Variants in KLHL1 observed in about 807,000 individuals in gnomAD.
KLHL1 encodes kelch like family member 1, also known as kelch-like protein 1.
In KLHL1, 47 loss-of-function variants were observed where a neutral mutation model predicts 77.7. The ratio of observed to expected loss-of-function variants is 0.60; its 90% confidence interval spans 0.48 to 0.77. The LOEUF (loss-of-function observed/expected upper bound fraction) is 0.77. KLHL1 is among the 30% of genes least tolerant of loss of function. The pLI, the probability that KLHL1 is intolerant of heterozygous loss-of-function variation, is 0.00. For missense variants in KLHL1, 925 were observed against 910.8 expected, an observed-to-expected ratio of 1.02 and a Z score of -0.20; for synonymous variants, 360 against 325.2, an observed-to-expected ratio of 1.11 and a Z score of -1.15.
In KLHL1 at chr13:69,819,554, C is replaced by T. The variant is rs114782718; in HGVS notation, c.1414+19422G>A. 3.2e-3 allele frequency among the ~76,000 whole-genome samples: 490 copies of T among 151,952 alleles called. 3 individuals are homozygous for T. The highest frequency in any genetic ancestry group is 0.011 in the African/African-American group (455 of 41,418). Reference sequence around the variant, plus strand: ...TTAGTGCTATCTGAACAGACACCTGCCTGTTAATCAAAATCAGTAATTGAC... The same window carrying T: ...TTAGTGCTATCTGAACAGACACCTGTCTGTTAATCAAAATCAGTAATTGAC... On this transcript the variant is annotated intron_variant, in intron 6 of 10. Coordinates refer to ENST00000377844, the MANE Select transcript of KLHL1 (RefSeq NM_020866.3).
chr13:69,950,143 G>T (rs1452318633), intron 3 of KLHL1, among the ~76,000 whole-genome samples: 1 of 151,624 alleles, frequency 6.6e-6, no homozygotes, highest in Non-Finnish European at 1.5e-5. Context: ...TGTTAGAAAA[G>T]TCAGAAAAGG....
At chr13:70,100,383 T>C (rs1391760503) in intron 1 of KLHL1, among the ~76,000 whole-genome samples, 1 of 152,174 alleles carries the variant, frequency 6.6e-6, no homozygotes, top group Non-Finnish European at 1.5e-5. Context: ...TCCTGCCACG[T>C]TGCTAAGCTT....
At chr13:70,092,803 A>G (rs998917558) in intron 1 of KLHL1, among the ~76,000 whole-genome samples, 1 of 152,114 alleles carries the variant, frequency 6.6e-6, no homozygotes. Context: ...GTTTTCATTT[A>G]TATTTAGAAT....
intron 1 of KLHL1, among the ~76,000 whole-genome samples, chr13:70,086,307 G>C (rs556307844): frequency 2.9e-4 from 44 of 151,860 alleles, no homozygotes; most frequent in African/African-American, 9.9e-4. Flanking sequence ...ACCTGGCTGG[G>C]CATGGAGGCT....
At chr13:69,813,088 T>A (rs1877957613) in intron 6 of KLHL1, among the ~76,000 whole-genome samples, 1 of 151,962 alleles carries the variant, frequency 6.6e-6, no homozygotes, top group African/African-American at 2.4e-5. Context: ...TGTTCATCAA[T>A]GATAGACTGG....
intron 5 of KLHL1, among the ~76,000 whole-genome samples, chr13:69,849,916 C>T (rs1419174546): frequency 2.0e-5 from 3 of 151,336 alleles, no homozygotes; most frequent in Non-Finnish European, 3.0e-5. Context: ...TTCAATATCA[C>T]ATCTCAAATT....
intron 8 of KLHL1, 27 bp downstream of exon 8, chr13:69,740,367 T>TA: frequency 3.3e-6 from 5 of 1,501,318 alleles, no homozygotes; most frequent in Non-Finnish European, 3.6e-6. Context: ...TTTCTAAGAT[T>TA]AAAAAATAAG....
At chr13:70,054,986 C>T (rs2472268) in intron 1 of KLHL1, among the ~76,000 whole-genome samples, 147,665 of 152,116 alleles carry the variant, frequency 0.97, 71,772 homozygotes, top group East Asian at 1. Flanking sequence ...GAGATAGAGA[C>T]ATAAATTGGG....
intron 1 of KLHL1, among the ~76,000 whole-genome samples, chr13:70,058,645 C>A (rs1377915748): frequency 1.3e-5 from 2 of 152,096 alleles, no homozygotes; most frequent in Non-Finnish European, 2.9e-5. Flanking sequence ...ACTACACAAG[C>A]AATCTTTAGA....
chr13:69,914,661 G>T (rs1188179611), intron 4 of KLHL1, among the ~76,000 whole-genome samples: 1 of 152,126 alleles, frequency 6.6e-6, no homozygotes, highest in Non-Finnish European at 1.5e-5. Flanking sequence ...AATCTGCACT[G>T]TATTCATGTG....
In KLHL1 at chr13:70,023,679, C is replaced by A. The variant is rs139672846; in HGVS notation, c.498-47877G>T. 2.4e-3 allele frequency among the ~76,000 whole-genome samples: 364 copies of A among 152,032 alleles called. 1 individual carries two copies. The highest frequency in any genetic ancestry group is 8.2e-3 in the African/African-American group (340 of 41,548). ...CTTGTTTTGTCCCTGGTTGACTTTGCTGAATCAATCATGACAGTGCTTCAT... is the reference window on the plus strand; with the variant it reads ...CTTGTTTTGTCCCTGGTTGACTTTGATGAATCAATCATGACAGTGCTTCAT... On this transcript the variant is annotated intron_variant, in intron 1 of 10. Transcript: ENST00000377844.
At chr13:70,030,845 A>G (rs1886078866) in intron 1 of KLHL1, among the ~76,000 whole-genome samples, 2 of 152,242 alleles carry the variant, frequency 1.3e-5, no homozygotes, top group Admixed American at 6.5e-5. Flanking sequence ...ATAGACTGCT[A>G]GCAAGACTAA....
chr13:70,094,204 C>T (rs114204076), intron 1 of KLHL1, among the ~76,000 whole-genome samples: 1,889 of 151,988 alleles, frequency 0.012, 31 homozygotes, highest in African/African-American at 0.043. Context: ...GCAGCATGCA[C>T]CTGTAGTCGC....
chr13:69,906,847 T>G (rs1010473168), intron 4 of KLHL1, among the ~76,000 whole-genome samples: 7 of 151,984 alleles, frequency 4.6e-5, no homozygotes, highest in South Asian at 4.1e-4. Flanking sequence ...CTCACTGGAA[T>G]AGAAAAAATA....
intron 2 of KLHL1, among the ~76,000 whole-genome samples, chr13:69,970,193 T>C (rs1273039308): frequency 6.6e-6 from 1 of 152,148 alleles, no homozygotes; most frequent in African/African-American, 2.4e-5. Flanking sequence ...TTTACGGTGG[T>C]TGTAAACATA....
At chr13:70,040,348 G>T (rs1041847040) in intron 1 of KLHL1, among the ~76,000 whole-genome samples, 1 of 152,016 alleles carries the variant, frequency 6.6e-6, no homozygotes, top group Admixed American at 6.6e-5. Flanking sequence ...ACTACCTATC[G>T]GGCACTATGT....
At chr13:69,939,340 C>CATACATATATATATATAT (rs1555283221) in intron 4 of KLHL1, among the ~76,000 whole-genome samples, 2 of 60,844 alleles carry the variant, frequency 3.3e-5, no homozygotes, top group African/African-American at 1.3e-4. Flanking sequence ...CATATACATA[C>CATACATATATATATATAT]ATATATATAT....
intron 5 of KLHL1, among the ~76,000 whole-genome samples, chr13:69,857,184 T>A (rs1879951908): frequency 6.6e-6 from 1 of 152,066 alleles, no homozygotes; most frequent in Non-Finnish European, 1.5e-5. Context: ...GACTATGACA[T>A]GTATTTTATG....
At chr13:69,754,325 G>T (rs75159592) in intron 7 of KLHL1, among the ~76,000 whole-genome samples, 3 of 151,970 alleles carry the variant, frequency 2.0e-5, no homozygotes, top group Non-Finnish European at 4.4e-5. Context: ...AAAATGTAAA[G>T]TCCCAAATAC....
Sources: gnomAD v4.1 joint callset for allele counts (sites outside exome capture counted in the v4.1 genomes callset) on GRCh38, gnomAD v4.1.1 for gene constraint, MANE v1.5 for transcripts, NCBI Gene and HGNC (gene_info 2026-07-23, HGNC 2026-07-21) for gene names.